Variants in PPEF1 observed in about 807,000 individuals in gnomAD.
The protein encoded by PPEF1 is protein phosphatase with EF-hand domain 1.
Under a neutral mutation model 53.3 loss-of-function variants are expected in PPEF1, and 12 were observed. The observed-to-expected ratio is 0.23, with a 90% CI of 0.14 to 0.36. PPEF1 has a LOEUF of 0.36. PPEF1 is among the 10% of genes least tolerant of loss of function. The pLI is 1.00. For synonymous variants in PPEF1, 165 were observed against 176.7 expected, an observed-to-expected ratio of 0.93 and a Z score of 0.52; for missense variants, 334 against 490.4, an observed-to-expected ratio of 0.68 and a Z score of 3.01.
chrX:18,773,177 C>T (rs1266066897), intron 6 of PPEF1, among the ~76,000 whole-genome samples: 1 of 112,298 alleles, frequency 8.9e-6, no homozygotes, highest in African/African-American at 3.2e-5. Context: ...CTGAATAACA[C>T]ACTGTGTATT....
rs570982091 is a variant in PPEF1, at chrX:18,725,724, C to T, written c.47-4457C>T. Among the ~76,000 whole-genome samples, 51 of 111,517 alleles carry T rather than the reference C, an allele frequency of 4.6e-4. No individual in the cohort carries two copies. The South Asian group carries it at 0.018, about 40-fold the overall frequency. On this transcript the variant is annotated intron_variant, in intron 1 of 15. Transcript: ENST00000470157. ...AGTGGCATGTGTGCTCGGGTACAGG[C>T]GTATGAGCATAGGCAGAGATGGCTG... is the stretch of plus-strand genomic sequence containing the variant.
At chrX:18,680,225 C>T (rs1569237657), upstream of PPEF1, among the ~76,000 whole-genome samples, 2 of 110,285 alleles carry the variant, frequency 1.8e-5, no homozygotes, top group Non-Finnish European at 3.8e-5. Flanking sequence ...GCTGCTGCTG[C>T]TGCTGCTCTC....
chrX:18,724,147 C>T (rs2044653591), intron 1 of PPEF1, among the ~76,000 whole-genome samples: 2 of 111,286 alleles, frequency 1.8e-5, no homozygotes, highest in Non-Finnish European at 3.8e-5. Context: ...GAGGATGAGC[C>T]CAGGTTCTGA....
chrX:18,767,114 G>T (rs1193359644), intron 6 of PPEF1, among the ~76,000 whole-genome samples: 1 of 112,261 alleles, frequency 8.9e-6, no homozygotes, highest in Admixed American at 9.4e-5. Context: ...GATAAAAACT[G>T]AAATACTAAT....
In PPEF1 at chrX:18,757,536, G is replaced by A. The variant is rs867638976; in HGVS notation, c.397-91G>A. On this transcript the variant is annotated intron_variant, in intron 4 of 15. Transcript: ENST00000470157. ...ATCCTGAAATACAGCGACCTGAAAC[G>A]TGCGTGCTTGCTCCACCTTTACAGT... is the stretch of plus-strand genomic sequence containing the variant. 3.0e-5 allele frequency: 19 copies of A among 623,798 alleles called. No homozygotes were observed. In the Middle Eastern group the frequency reaches 2.2e-3, roughly 71 times the overall value. 51.4% of individuals were successfully genotyped at this position (623,798 alleles called of 1,213,427 possible).
At chrX:18,801,938 C>T (rs2046554621) in intron 10 of PPEF1, among the ~76,000 whole-genome samples, 1 of 102,914 alleles carries the variant, frequency 9.7e-6, no homozygotes, top group Admixed American at 1.1e-4. Flanking sequence ...GAGCCGAGAT[C>T]ATGCCACTGT....
At chrX:18,803,099 C>T (rs1157568168) in intron 10 of PPEF1, among the ~76,000 whole-genome samples, 1 of 111,632 alleles carries the variant, frequency 9.0e-6, no homozygotes, top group African/African-American at 3.3e-5. Context: ...ACAGATTTAC[C>T]CACGTATTTA....
Position 18,733,408 on chromosome X carries a change from A to T in PPEF1, c.175-340A>T, listed in dbSNP as rs538201894. ...GCCAAGATGTACTTTTTGAAGTCTG[A>T]CCTCAGCCTGATCCCATCTGGAGCT... On this transcript the variant is annotated intron_variant, in intron 2 of 15. Coordinates refer to ENST00000470157, the MANE Select transcript of PPEF1 (RefSeq NM_001377996.1). Among the ~76,000 whole-genome samples the T allele has an allele frequency of 6.6e-4, 73 of 111,385 alleles. 1 individual carries two copies. In the South Asian group the frequency reaches 0.028, roughly 42 times the overall value.
intron 4 of PPEF1, among the ~76,000 whole-genome samples, chrX:18,695,759 C>T (rs1323496950): frequency 2.7e-5 from 3 of 112,432 alleles, no homozygotes; most frequent in Non-Finnish European, 5.6e-5. Context: ...ATCTATTAAT[C>T]TATTTATTAA....
At chrX:18,676,571 G>T (rs1928684118) in intron 1 of PPEF1, among the ~76,000 whole-genome samples, 1 of 111,076 alleles carries the variant, frequency 9.0e-6, no homozygotes, top group South Asian at 3.8e-4. Context: ...GCCAGCCACC[G>T]GCCGGAGGAT....
At chrX:18,824,778 C>G (rs2047135001) in intron 14 of PPEF1, among the ~76,000 whole-genome samples, 1 of 110,049 alleles carries the variant, frequency 9.1e-6, no homozygotes, top group South Asian at 4.0e-4. Flanking sequence ...ACTCTCCTGT[C>G]TCAGCTTCCC....
At chrX:18,825,954 T>TTACCAATGAA in intron 15 of PPEF1, 119 bp downstream of exon 15, 1 of 461,504 alleles carries the variant, frequency 2.2e-6, no homozygotes, top group Non-Finnish European at 3.5e-6. Flanking sequence ...ACACCTTCAT[T>TTACCAATGAA]GGTAAGATGG....
intron 4 of PPEF1, among the ~76,000 whole-genome samples, chrX:18,696,922 C>T (rs1459002834): frequency 8.9e-6 from 1 of 112,264 alleles, no homozygotes; most frequent in Non-Finnish European, 1.9e-5. Flanking sequence ...CCTCTCCAGT[C>T]CAGCTGCTTC....
chrX:18,756,189 T>C (rs2045545818), intron 4 of PPEF1, among the ~76,000 whole-genome samples: 1 of 109,192 alleles, frequency 9.2e-6, no homozygotes, highest in African/African-American at 3.3e-5. Flanking sequence ...TAATACTACT[T>C]TTTTTTTTGA....
At chrX:18,677,035 CTT>C (rs763530257) in intron 1 of PPEF1, among the ~76,000 whole-genome samples, 8 of 89,994 alleles carry the variant, frequency 8.9e-5, no homozygotes, top group African/African-American at 8.4e-5. Flanking sequence ...TCATCACAAT[CTT>C]TTTTTTTTTT....
intron 12 of PPEF1, among the ~76,000 whole-genome samples, chrX:18,816,312 T>A (rs187014956): frequency 4.3e-4 from 48 of 112,056 alleles, no homozygotes; most frequent in African/African-American, 1.5e-3. Context: ...AAATTTCTTC[T>A]GTTGTTAATT....
rs755781365 is a variant in PPEF1 at position 18,807,361 on chromosome X, TTTG to T, written c.1394+822_1394+824del. 5.3e-4 allele frequency among the ~76,000 whole-genome samples: 60 copies of T among 112,218 alleles called. No homozygotes were observed. The South Asian group carries it at 0.022, about 41-fold the overall frequency. The stretch of plus-strand genomic sequence containing the variant: ...TTTTTTACATTATAGAACTAACATG[TTTG>T]TTGTTAACAACTGAAAAAAAGCAAA... On this transcript the variant is annotated intron_variant, in intron 12 of 15. Transcript: ENST00000470157.
At chrX:18,755,189 T>TAA (rs781466718) in intron 4 of PPEF1, among the ~76,000 whole-genome samples, 1 of 104,976 alleles carries the variant, frequency 9.5e-6, no homozygotes, top group Non-Finnish European at 2.0e-5. Context: ...GTGTACAGAG[T>TAA]AAAAAAAAAA....
At chrX:18,795,035 C>T (rs920857056) in intron 10 of PPEF1, among the ~76,000 whole-genome samples, 19 of 112,183 alleles carry the variant, frequency 1.7e-4, no homozygotes, top group East Asian at 5.6e-4. Flanking sequence ...TTCCGCTGGG[C>T]GTGGTGGCTC....
Sources: gnomAD v4.1 joint callset for allele counts (sites outside exome capture counted in the v4.1 genomes callset) on GRCh38, gnomAD v4.1.1 for gene constraint, MANE v1.5 for transcripts, NCBI Gene and HGNC (gene_info 2026-07-23, HGNC 2026-07-21) for gene names.